ADGRL2: variants seen among roughly 807,000 people sequenced by gnomAD.
ADGRL2 encodes calcium-independent alpha-latrotoxin receptor 2.
ADGRL2 carries 44 observed loss-of-function variants against 157.4 expected under a neutral mutation model. The ratio of observed to expected loss-of-function variants is 0.28; its 90% CI spans 0.22 to 0.36. The LOEUF (loss-of-function observed/expected upper bound fraction) is 0.36. ADGRL2 is among the 10% of genes least tolerant of loss of function. ADGRL2 has a pLI of 1.00. For synonymous variants in ADGRL2, 585 were observed against 624.7 expected (o/e 0.94, Z 0.95); for missense variants, 1,510 against 1,768.9 (o/e 0.85, Z 2.63).
chr1:81,572,880 G>T (rs1181137147), intron 2 of ADGRL2, among the ~76,000 whole-genome samples: 1 of 150,984 alleles, frequency 6.6e-6, no homozygotes, highest in Admixed American at 6.7e-5. Context: ...TTTGATAAGG[G>T]TATGCTTTTT....
chr1:81,500,676 A>G (rs1203571916), intron 2 of ADGRL2, among the ~76,000 whole-genome samples: 1 of 152,194 alleles, frequency 6.6e-6, no homozygotes, highest in Non-Finnish European at 1.5e-5. Flanking sequence ...TTATTGTTTA[A>G]TGGATACAGA....
chr1:81,701,802 T>C (rs188400015), intron 1 of ADGRL2, among the ~76,000 whole-genome samples: 1 of 152,360 alleles, frequency 6.6e-6, no homozygotes. Context: ...GGATGTACTA[T>C]AGTAAGCCAG....
At chr1:81,669,404 G>T (rs939922483) in intron 3 of ADGRL2, among the ~76,000 whole-genome samples, 1 of 152,034 alleles carries the variant, frequency 6.6e-6, no homozygotes, top group African/African-American at 2.4e-5. Context: ...GGGCAATGTA[G>T]CAAGACTCCA....
intron 6 of ADGRL2, among the ~76,000 whole-genome samples, chr1:81,948,623 C>T (rs1459729223): frequency 6.6e-6 from 1 of 152,140 alleles, no homozygotes; most frequent in Admixed American, 6.6e-5. Flanking sequence ...CACTGAAAGC[C>T]TGGCTGCATT....
chr1:81,614,190 T>C (rs1308276750), intron 3 of ADGRL2, among the ~76,000 whole-genome samples: 3 of 152,210 alleles, frequency 2.0e-5, no homozygotes, highest in Non-Finnish European at 2.9e-5. Flanking sequence ...AAATGCTTCC[T>C]CTTTGGGCAA....
At chr1:81,386,605 A>G (rs975252876) in intron 1 of ADGRL2, among the ~76,000 whole-genome samples, 13 of 152,174 alleles carry the variant, frequency 8.5e-5, no homozygotes, top group African/African-American at 2.7e-4. Context: ...CAAGCTAGAA[A>G]ACATTAAAAG....
chr1:81,638,762 G>A (rs2082161242), intron 3 of ADGRL2, among the ~76,000 whole-genome samples: 1 of 152,078 alleles, frequency 6.6e-6, no homozygotes, highest in Admixed American at 6.6e-5. Context: ...AAAAAGAGTG[G>A]AAGACAAAAA....
At chr1:81,722,702 T>C in intron 1 of ADGRL2, 1 of 1,049,202 alleles carries the variant, frequency 9.5e-7, no homozygotes, top group Non-Finnish European at 1.5e-6. Context: ...GAAGAAAGTA[T>C]GAGCGAAACG....
intron 2 of ADGRL2, among the ~76,000 whole-genome samples, chr1:81,573,570 C>T (rs1302586143): frequency 6.6e-6 from 1 of 152,126 alleles, no homozygotes; most frequent in Non-Finnish European, 1.5e-5. Flanking sequence ...AAGTAGGCAG[C>T]TCATTCATAG....
intron 1 of ADGRL2, among the ~76,000 whole-genome samples, chr1:81,370,181 C>T (rs2076137535): frequency 6.6e-6 from 1 of 152,098 alleles, no homozygotes; most frequent in African/African-American, 2.4e-5. Flanking sequence ...TGTTTCCATA[C>T]ATTTAGGTGC....
At chr1:81,638,632 A>G (rs2082157917) in intron 3 of ADGRL2, among the ~76,000 whole-genome samples, 1 of 152,188 alleles carries the variant, frequency 6.6e-6, no homozygotes, top group African/African-American at 2.4e-5. Flanking sequence ...GTAAATATGT[A>G]TACTGCAAAC....
At chr1:81,413,545 G>C (rs1253549364) in intron 1 of ADGRL2, among the ~76,000 whole-genome samples, 1 of 152,064 alleles carries the variant, frequency 6.6e-6, no homozygotes, top group East Asian at 1.9e-4. Context: ...GTAATTGCTA[G>C]AGACATTGCT....
intron 1 of ADGRL2, among the ~76,000 whole-genome samples, chr1:81,420,090 A>T (rs901502664): frequency 6.6e-6 from 1 of 152,226 alleles, no homozygotes; most frequent in Admixed American, 6.5e-5. Flanking sequence ...TCAGAAAAAA[A>T]TAGAGGCAAC....
chr1:81,327,756 C>G (rs1660997245), intron 1 of ADGRL2, among the ~76,000 whole-genome samples: 1 of 152,104 alleles, frequency 6.6e-6, no homozygotes, highest in South Asian at 2.1e-4. Flanking sequence ...GATCATTGTT[C>G]TATGACTTTG....
chr1:81,612,690 A>G (rs1046269083), intron 3 of ADGRL2, among the ~76,000 whole-genome samples: 6 of 152,092 alleles, frequency 3.9e-5, no homozygotes, highest in African/African-American at 1.4e-4. Context: ...AATATATCAA[A>G]AAGAGAAGGA....
intron 3 of ADGRL2, among the ~76,000 whole-genome samples, chr1:81,644,138 A>G (rs2082272105): frequency 6.6e-6 from 1 of 152,232 alleles, no homozygotes; most frequent in African/African-American, 2.4e-5. Flanking sequence ...AAGTCTTCTC[A>G]ACAAATGGCG....
chr1:81,869,964 T>A (rs2093649731), intron 2 of ADGRL2, among the ~76,000 whole-genome samples: 1 of 152,092 alleles, frequency 6.6e-6, no homozygotes, highest in African/African-American at 2.4e-5. Flanking sequence ...ACAGTAGTGC[T>A]ATATATCATG....
At chr1:81,420,132 C>G (rs1275399015) in intron 1 of ADGRL2, among the ~76,000 whole-genome samples, 1 of 152,136 alleles carries the variant, frequency 6.6e-6, no homozygotes, top group Admixed American at 6.5e-5. Context: ...AATCCCTCAT[C>G]AGTAATGCCA....
intron 1 of ADGRL2, among the ~76,000 whole-genome samples, chr1:81,725,852 G>A (rs923621550): frequency 7.2e-5 from 11 of 152,010 alleles, no homozygotes; most frequent in African/African-American, 2.7e-4. Flanking sequence ...TGGACATGGT[G>A]CACGCCGGTA....
Sources: gnomAD v4.1 joint callset for allele counts (sites outside exome capture counted in the v4.1 genomes callset) on GRCh38, gnomAD v4.1.1 for gene constraint, MANE v1.5 for transcripts, NCBI Gene and HGNC (gene_info 2026-07-23, HGNC 2026-07-21) for gene names.